Variants in WDR72 observed in about 807,000 individuals in gnomAD.
WDR72 encodes WD repeat-containing protein 72.
Under a neutral mutation model 124.2 loss-of-function variants are expected in WDR72, and 120 were observed. The observed-to-expected ratio is 0.97, with a 90% CI of 0.83 to 1.12. WDR72 has a LOEUF of 1.12. Ranked by LOEUF, WDR72 falls within the 50% of genes most tolerant of loss-of-function variation. The pLI is 0.00. For missense variants in WDR72, 1,387 were observed against 1,278.8 expected (o/e 1.08, Z -1.29); for synonymous variants, 452 against 441.7 (o/e 1.02, Z -0.29).
chr15:53,571,925 T>C (rs959786593), intron 18 of WDR72, among the ~76,000 whole-genome samples: 1 of 152,156 alleles, frequency 6.6e-6, no homozygotes, highest in South Asian at 2.1e-4. Flanking sequence ...TAGGTGAGAA[T>C]GATATCTCAT....
At chr15:53,674,300 T>G (rs1271427991) in intron 13 of WDR72, among the ~76,000 whole-genome samples, 1 of 152,236 alleles carries the variant, frequency 6.6e-6, no homozygotes, top group Non-Finnish European at 1.5e-5. Context: ...AACCACTGAC[T>G]GACAGTTATA....
At chr15:53,668,947 C>CAGGCGGAGGAGG (rs2015879203) in intron 13 of WDR72, among the ~76,000 whole-genome samples, 1 of 83,790 alleles carries the variant, frequency 1.2e-5, no homozygotes, top group Non-Finnish European at 2.3e-5. Context: ...GGAGGAGGAG[C>CAGGCGGAGGAGG]AGGAGGAGGA....
At chr15:53,716,770 GCAGCC>G (rs1464952874) in intron 3 of WDR72, 85 bp from the exon 4 acceptor site, 10 of 841,198 alleles carry the variant, frequency 1.2e-5, no homozygotes, top group Admixed American at 2.1e-5. Flanking sequence ...TTTTTCTTTA[GCAGCC>G]TGATCATTTA....
At chr15:53,723,052 A>G in intron 2 of WDR72, 144 bp from the exon 3 acceptor site, 1 of 741,912 alleles carries the variant, frequency 1.3e-6, no homozygotes, top group South Asian at 1.5e-5. Context: ...ATATGTAATA[A>G]CAACATCCAC....
chr15:53,611,698 T>C (rs2013545306), intron 16 of WDR72, among the ~76,000 whole-genome samples: 1 of 151,974 alleles, frequency 6.6e-6, no homozygotes, highest in Non-Finnish European at 1.5e-5. Context: ...CTCTACTGAA[T>C]AGCTGTTTGC....
Position 53,675,557 on chromosome 15 carries a change from C to T in WDR72, c.1766-9789G>A, listed in dbSNP as rs1595839894. Among the ~76,000 whole-genome samples, 15 of 152,146 alleles carry T rather than the reference C, an allele frequency of 9.9e-5. No homozygotes were observed. The South Asian group carries it at 2.7e-3, about 27-fold the overall frequency. On this transcript the variant is annotated intron_variant, in intron 13 of 19. Coordinates refer to ENST00000360509, the MANE Select transcript of WDR72 (RefSeq NM_182758.4). ...CTGAGTATTTCAAAATTTCATTCAT[C>T]ACGTCGCATTATTTAAATTTATTAC... is the stretch of plus-strand genomic sequence containing the variant.
In WDR72 at chr15:53,720,421, T is replaced by G. The variant is rs115325786; in HGVS notation, c.260+2381A>C. On this transcript the variant is annotated intron_variant, in intron 3 of 19. Transcript: ENST00000360509. ...CAGCTTTGCTGGGTTTTGTCCAAAA[T>G]TCCTTCTTCCATCTCAAATCTTCCT... 2.1e-3 allele frequency among the ~76,000 whole-genome samples: 321 copies of G among 152,328 alleles called. 2 individuals carry two copies. The highest frequency in any genetic ancestry group is 7.4e-3 in the African/African-American group (307 of 41,586).
At chr15:53,668,966 AGGAG>A (rs2015883878) in intron 13 of WDR72, among the ~76,000 whole-genome samples, 1 of 47,744 alleles carries the variant, frequency 2.1e-5, no homozygotes, top group African/African-American at 5.1e-5. Context: ...GAGGAGAAGG[AGGAG>A]GAGGAGGAGA....
At chr15:53,586,491 A>G (rs2012221725) in intron 18 of WDR72, among the ~76,000 whole-genome samples, 1 of 152,036 alleles carries the variant, frequency 6.6e-6, no homozygotes, top group African/African-American at 2.4e-5. Context: ...TTCTCTTTCA[A>G]TTTACAGATT....
intron 17 of WDR72, among the ~76,000 whole-genome samples, chr15:53,606,243 CCTT>C (rs1163990201): frequency 2.0e-4 from 31 of 152,110 alleles, no homozygotes; most frequent in Non-Finnish European, 1.0e-4. Context: ...TCTGCTGAAT[CCTT>C]CTTTTTAATA....
At chr15:53,694,700 T>C (rs971610456) in intron 13 of WDR72, among the ~76,000 whole-genome samples, 11 of 152,198 alleles carry the variant, frequency 7.2e-5, no homozygotes, top group Admixed American at 3.3e-4. Flanking sequence ...CAACACCTAC[T>C]CTGGGGACCT....
chr15:53,520,260 G>C (rs4776155), intron 19 of WDR72, among the ~76,000 whole-genome samples: 56,334 of 151,890 alleles, frequency 0.37, 10,948 homozygotes, highest in Admixed American at 0.49. Flanking sequence ...TTTTCTATAT[G>C]CTGTTCAAAC....
rs756321033 is a variant in WDR72 at position 53,733,003 on chromosome 15, T to C, written c.147A>G (p.Glu49=). The C allele has an allele frequency of 1.1e-5, 18 of 1,613,942 alleles. No individual in the cohort carries two copies. Among genetic ancestry groups the C allele is most frequent in the African/African-American group, 1.3e-5 (1 of 74,902 alleles). The change falls in exon 2 of 20, where the codon GAA becomes GAG. Residue 49 remains glutamate (E), a synonymous_variant. Coordinates refer to ENST00000360509, the MANE Select transcript of WDR72 (RefSeq NM_182758.4). The part of the protein sequence containing the change: ...GQLCLWNLSH[E]LKISAKELLF... ...ATCAGTAGCTTTCACTAACCTTTAG[T>C]TCATGTGAGAGATTCCAGAGACAGA...
chr15:53,632,659 C>A (rs949853852), intron 14 of WDR72, among the ~76,000 whole-genome samples: 1 of 152,234 alleles, frequency 6.6e-6, no homozygotes, highest in African/African-American at 2.4e-5. Context: ...GGGGCTGAAC[C>A]CTGGGAAGCC....
chr15:53,565,767 T>A (rs75308910), intron 18 of WDR72, among the ~76,000 whole-genome samples: 1 of 150,034 alleles, frequency 6.7e-6, no homozygotes, highest in Non-Finnish European at 1.5e-5. Context: ...TACGTTGAAT[T>A]AAAAAAAAAA....
At chr15:53,749,534 T>C (rs2018724899) in intron 1 of WDR72, among the ~76,000 whole-genome samples, 1 of 152,124 alleles carries the variant, frequency 6.6e-6, no homozygotes, top group East Asian at 1.9e-4. Context: ...TTAGGTCAAT[T>C]AATAATCCTA....
rs907157174 is a variant in WDR72 at position 53,726,867 on chromosome 15, T to C, written c.154-3959A>G. On this transcript the variant is annotated intron_variant, in intron 2 of 19. Coordinates refer to ENST00000360509, the MANE Select transcript of WDR72 (RefSeq NM_182758.4). ...TCAAGAAAAAACAAACACCCAATTT[T>C]AAAAATATGACACTAAGGGCTAATT... 3.3e-5 allele frequency among the ~76,000 whole-genome samples: 5 copies of C among 151,262 alleles called. No homozygotes were observed. The East Asian group carries it at 9.8e-4, about 30-fold the overall frequency.
intron 14 of WDR72, among the ~76,000 whole-genome samples, chr15:53,621,609 GA>G (rs2013997136): frequency 6.6e-6 from 1 of 151,812 alleles, no homozygotes; most frequent in African/African-American, 2.4e-5. Context: ...AAAGGCATAA[GA>G]ATGACACAAT....
chr15:53,532,567 A>G (rs908269412), intron 18 of WDR72, among the ~76,000 whole-genome samples: 1 of 152,020 alleles, frequency 6.6e-6, no homozygotes, highest in African/African-American at 2.4e-5. Context: ...ACATGTTCTC[A>G]CTAATATATG....
Sources: allele counts gnomAD v4.1 joint callset (sites outside exome capture counted in the v4.1 genomes callset), GRCh38; gene constraint gnomAD v4.1.1; transcripts MANE v1.5; gene names NCBI Gene and HGNC (gene_info 2026-07-23, HGNC 2026-07-21).